CIC: variants seen among roughly 807,000 people sequenced by gnomAD.
CIC encodes the protein capicua transcriptional repressor.
A neutral mutation model predicts 115.7 loss-of-function variants in CIC; 18 were observed. The ratio of observed to expected loss-of-function variants is 0.16; its 90% CI spans 0.11 to 0.23. The LOEUF (loss-of-function observed/expected upper bound fraction) is 0.23. Among genes scored for constraint, CIC ranks in the 10% least tolerant of loss-of-function variants. The probability of loss-of-function intolerance (pLI) is 1.00; values close to 1 mark genes in which losing one functional copy is unlikely to be tolerated. For missense variants in CIC, 2,000 were observed against 2,159.3 expected (o/e 0.93, Z 1.46); for synonymous variants, 1,076 against 923.0 (o/e 1.17, Z -3.01).
chr19:42,293,081 C>G lies in CIC; in HGVS notation c.6322C>G (p.Arg2108Gly). The G allele has an allele frequency of 6.2e-7, 1 of 1,610,750 alleles. No homozygotes were observed. The highest frequency in any genetic ancestry group is 8.5e-7 in the Non-Finnish European group (1 of 1,179,078). The change falls in exon 16 of 21, where the codon CGG (arginine) becomes GGG (glycine). Residue 2108 changes from arginine to glycine, a missense_variant. Transcript: ENST00000681038. The stretch of plus-strand genomic sequence containing the variant: ...GTCCTTTGAGGCAGGTGCCTCTGGG[C>G]GGCCTGGCCCTGCACCCCGGCAGCC... ...VGSFEAGASGRPGPAPRQPLE... is the reference protein window; with the variant it reads ...VGSFEAGASGGPGPAPRQPLE...
rs2038322273 is a variant in CIC, at chr19:42,293,759, C to G, written c.6690C>G (p.Arg2230=). 1.2e-6 allele frequency: 2 copies of G among 1,612,860 alleles called. No individual in the cohort carries two copies. Among genetic ancestry groups the G allele is most frequent in the East Asian group, 4.5e-5 (2 of 44,880 alleles). ...GGGCAGCCGGGGACACCCCGGAGCG[C>G]AAGGAGGCGGCTGGTACTGGCAAGA... is the stretch of plus-strand genomic sequence containing the variant. ...SGRAAGDTPE[R]KEAAGTGKKV... The change falls in exon 17 of 21, where the codon CGC becomes CGG. Residue 2230 remains arginine (R), a synonymous_variant. Transcript: ENST00000681038.
At chr19:42,277,555 A>G (rs998705743) in intron 2 of CIC, among the ~76,000 whole-genome samples, 1 of 152,176 alleles carries the variant, frequency 6.6e-6, no homozygotes, top group Non-Finnish European at 1.5e-5. Context: ...TTGAACTCAG[A>G]CTGTGCGGCT....
At chr19:42,284,575 G>T (rs1362405874) in intron 2 of CIC, 2 of 333,602 alleles carry the variant, frequency 6.0e-6, no homozygotes, top group African/African-American at 2.2e-5. Flanking sequence ...GGCGGGGGGG[G>T]GGGCATGCGG....
chr19:42,270,810 C>A lies in CIC; in HGVS notation c.-10-964C>A, dbSNP rs1174800293. On this transcript the variant is annotated intron_variant, in intron 1 of 20. Transcript: ENST00000681038. The surrounding 1 kb of genome is among the most constrained non-coding windows in gnomAD (Gnocchi z 4.1). ...AAACCCTGGGGTGTAGCTCTGTGTC[C>A]CACTGTGTGATGACGTGTGCGTGCT... Among the ~76,000 whole-genome samples, 2 of 152,112 alleles carry A rather than the reference C, an allele frequency of 1.3e-5. No individual in the cohort carries two copies. The highest frequency in any genetic ancestry group is 4.8e-5 in the African/African-American group (2 of 41,422).
intron 20 of CIC, 39 bp downstream of exon 20, chr19:42,294,774 A>C: frequency 6.2e-7 from 1 of 1,609,962 alleles, no homozygotes; most frequent in Non-Finnish European, 8.5e-7. Flanking sequence ...CTCGGGTGGG[A>C]CTTATCTGTA....
intron 12 of CIC, 40 bp downstream of exon 12, chr19:42,291,785 C>T (rs1209642601): frequency 2.5e-6 from 4 of 1,605,972 alleles, no homozygotes; most frequent in African/African-American, 1.3e-5. Context: ...GGATGTTGGC[C>T]CCTGTACCCC....
In CIC at chr19:42,273,565, C is replaced by T. The variant is rs964558250; in HGVS notation, c.1782C>T (p.Phe594=). The T allele has an allele frequency of 2.0e-5, 8 of 398,552 alleles. No individual in the cohort carries two copies. Among genetic ancestry groups the T allele is most frequent in the East Asian group, 3.6e-5 (1 of 28,058 alleles). The allele number at this position is 398,552 out of a possible 1,614,324, so 24.7% of individuals were successfully genotyped here. The change falls in exon 2 of 21, where the codon TTC becomes TTT. Residue 594 remains phenylalanine (F), a synonymous_variant. Transcript: ENST00000681038. ...VAPADLSRFE[F]DECEAAVMLV... is the part of the protein sequence containing the mutation. ...CTGCTGACTTGTCACGCTTTGAGTT[C>T]GACGAGTGTGAGGCGGCCGTGATGC...
rs2038451779 is a variant in CIC, at chr19:42,295,500, T to TGCAGGCCTTGGGCCACAGGGAGGC, written c.*312_*335dup. The TGCAGGCCTTGGGCCACAGGGAGGC allele has an allele frequency of 5.8e-6, 2 of 345,544 alleles. No homozygotes were observed. Among genetic ancestry groups the TGCAGGCCTTGGGCCACAGGGAGGC allele is most frequent in the African/African-American group, 4.2e-5 (2 of 47,824 alleles). The allele number at this position is 345,544 out of a possible 1,614,324, so 21.4% of individuals were successfully genotyped here. A position where few individuals can be genotyped will look rare whatever the true frequency, so the allele number is the denominator to read the frequency against. ...GTGAGGGCTGCAAGCTGGAGGGTGG[T>TGCAGGCCTTGGGCCACAGGGAGGC]GCAGGCCTTGGGCCACAGGGAGGCG... On this transcript the variant is annotated 3_prime_UTR_variant, in exon 21 of 21. Transcript: ENST00000681038.
rs1264704680 is a variant in CIC at position 42,270,147 on chromosome 19, C to G, written c.-11+766C>G. On this transcript the variant is annotated intron_variant, in intron 1 of 20. Coordinates refer to ENST00000681038, the MANE Select transcript of CIC (RefSeq NM_001386298.1). The surrounding 1 kb of genome is among the most constrained non-coding windows in gnomAD (Gnocchi z 4.1). ...CTTGGAAAAAACTGGAGCCAGATCTCAGTCCCCAACATGGTAGTCTAGTGG... is the reference window on the plus strand; with the variant it reads ...CTTGGAAAAAACTGGAGCCAGATCTGAGTCCCCAACATGGTAGTCTAGTGG... Among the ~76,000 whole-genome samples, 1 of 152,222 alleles carries G rather than the reference C, an allele frequency of 6.6e-6. No homozygotes were observed. The highest frequency in any genetic ancestry group is 1.5e-5 in the Non-Finnish European group (1 of 68,034).
At chr19:42,283,196 G>T (rs2037343944) in intron 2 of CIC, among the ~76,000 whole-genome samples, 1 of 152,122 alleles carries the variant, frequency 6.6e-6, no homozygotes, top group African/African-American at 2.4e-5. Flanking sequence ...GTGTGACGGA[G>T]GAGTGTGTGG....
At chr19:42,283,910 G>T (rs1165909719) in intron 2 of CIC, 1 of 151,586 alleles carries the variant, frequency 6.6e-6, no homozygotes, top group African/African-American at 2.4e-5. Flanking sequence ...GGCGGCCAAT[G>T]GGGGCGGGCG....
intron 10 of CIC, 31 bp downstream of exon 10, chr19:42,289,982 C>T: frequency 1.3e-6 from 2 of 1,527,832 alleles, no homozygotes; most frequent in Non-Finnish European, 9.0e-7. Context: ...GCTGTCCCAT[C>T]ACACTCCCTC....
At chr19:42,294,429 A>G in intron 19 of CIC, 125 bp downstream of exon 19, 1 of 1,554,350 alleles carries the variant, frequency 6.4e-7, no homozygotes, top group Non-Finnish European at 8.7e-7. Flanking sequence ...ACAGCCTGTC[A>G]GTGGTGGGTT....
intron 2 of CIC, chr19:42,284,801 G>A: frequency 2.6e-6 from 4 of 1,535,174 alleles, no homozygotes; most frequent in South Asian, 1.2e-5. Flanking sequence ...TGGGACTGCA[G>A]GGGTCAAGGT....
At position 42,291,454 on chromosome 19, in the gene CIC, C is replaced by T. The variant is rs2038094299; in HGVS notation, c.5413C>T (p.Pro1805Ser). 8 of 1,612,924 alleles carry T rather than the reference C, an allele frequency of 5.0e-6. No homozygotes were observed. The highest frequency in any genetic ancestry group is 6.8e-6 in the Non-Finnish European group (8 of 1,179,980). ...IPILQSVPSA[P>S]PPKAQSVSPV... Reference sequence around the variant, plus strand: ...CATCCTGCAGTCTGTACCCTCCGCCCCACCCCCCAAAGGTGAGACCTGGGC... The same window carrying T: ...CATCCTGCAGTCTGTACCCTCCGCCTCACCCCCCAAAGGTGAGACCTGGGC... The change falls in exon 11 of 21, where the codon CCA becomes TCA. Residue 1805 changes from proline (P) to serine (S), a missense_variant. Coordinates refer to ENST00000681038, the MANE Select transcript of CIC (RefSeq NM_001386298.1).
Position 42,291,296 on chromosome 19 carries a change from CACCAGCCCCTGG to C in CIC, c.5256_5267del (p.Pro1753_Gly1756del), listed in dbSNP as rs768295019. ...CAGCTTCAGGTGGCACCTGCCCCAGCACCAGCCCCTGGGACCAAGGCAGCGGCTCCCAGCGGC... is the reference window on the plus strand; with the variant it reads ...CAGCTTCAGGTGGCACCTGCCCCAGCGACCAAGGCAGCGGCTCCCAGCGGC... On this transcript the variant is annotated inframe_deletion, in exon 11 of 21. Transcript: ENST00000681038. The C allele has an allele frequency of 4.3e-6, 7 of 1,612,806 alleles. No individual in the cohort carries two copies. The highest frequency in any genetic ancestry group is 5.9e-6 in the Non-Finnish European group (7 of 1,179,840).
intron 16 of CIC, 43 bp downstream of exon 16, chr19:42,293,324 G>C: frequency 6.5e-7 from 1 of 1,529,440 alleles, no homozygotes; most frequent in Non-Finnish European, 8.8e-7. Context: ...CCACTTGGCT[G>C]TGCCTCTCCA....
In CIC at chr19:42,291,237, C is replaced by T. The variant is rs754985428; in HGVS notation, c.5196C>T (p.Thr1732=). ...CCCTGGGCAAGGCTGGGGGAATCACCCAGGTACAGTACATCCTGCCCACGC... is the reference window on the plus strand; with the variant it reads ...CCCTGGGCAAGGCTGGGGGAATCACTCAGGTACAGTACATCCTGCCCACGC... ...PGALGKAGGI[T]QVQYILPTLP... is the part of the protein sequence containing the mutation. The change falls in exon 11 of 21, where the codon ACC becomes ACT. Residue 1732 remains threonine, a synonymous_variant. Coordinates refer to ENST00000681038, the MANE Select transcript of CIC (RefSeq NM_001386298.1). 6.2e-7 allele frequency: 1 copy of T among 1,612,040 alleles called. No individual in the cohort carries two copies. Among genetic ancestry groups the T allele is most frequent in the East Asian group, 2.2e-5 (1 of 44,782 alleles).
At chr19:42,279,086 C>T (rs1568491731) in intron 2 of CIC, among the ~76,000 whole-genome samples, 4 of 152,210 alleles carry the variant, frequency 2.6e-5, no homozygotes, top group Admixed American at 1.3e-4. Context: ...AGATATAGTG[C>T]ACCCCAATGG....
Sources: gnomAD v4.1 joint callset for allele counts (sites outside exome capture counted in the v4.1 genomes callset) on GRCh38, gnomAD v4.1.1 for gene constraint, Gnocchi (gnomAD v3.1) non-coding constraint, MANE v1.5 for transcripts, NCBI Gene and HGNC (gene_info 2026-07-23, HGNC 2026-07-21) for gene names.